Variants in GALNT17 observed in about 807,000 individuals in gnomAD.
GALNT17 encodes polypeptide N-acetylgalactosaminyltransferase 17, also known as UDP-GalNAc:polypeptide N-acetylgalactosaminyltransferase-like 3.
A neutral mutation model predicts 63.7 loss-of-function variants in GALNT17; 29 were observed. The observed-to-expected ratio is 0.46, with a 90% CI of 0.34 to 0.62. GALNT17 has a LOEUF of 0.62. GALNT17 is among the 20% of genes least tolerant of loss of function. The pLI, the probability that GALNT17 is intolerant of heterozygous loss-of-function variation, is 0.01. For missense variants in GALNT17, 603 were observed against 799.6 expected, an observed-to-expected ratio of 0.75 and a Z score of 2.97; for synonymous variants, 305 against 318.3, an observed-to-expected ratio of 0.96 and a Z score of 0.45.
chr7:71,158,203 C>T (rs1045496489), intron 1 of GALNT17, among the ~76,000 whole-genome samples: 2 of 151,190 alleles, frequency 1.3e-5, no homozygotes, highest in Admixed American at 1.3e-4. Context: ...TCCGAGGGAC[C>T]TCCATATGGT....
chr7:71,702,480 T>C (rs908786546), intron 9 of GALNT17, among the ~76,000 whole-genome samples: 1 of 152,072 alleles, frequency 6.6e-6, no homozygotes, highest in Admixed American at 6.6e-5. Context: ...TTCTGGAAGC[T>C]CAGAAAGCCA....
intron 2 of GALNT17, among the ~76,000 whole-genome samples, chr7:71,377,116 T>A (rs10950259): frequency 0.47 from 24,584 of 52,662 alleles, 6,374 homozygotes; most frequent in Middle Eastern, 0.62. Flanking sequence ...ATAAAAAAAA[T>A]ATATATATAT....
chr7:71,498,289 A>G (rs748144640), intron 5 of GALNT17, among the ~76,000 whole-genome samples: 17 of 152,238 alleles, frequency 1.1e-4, no homozygotes, highest in South Asian at 2.1e-4. Flanking sequence ...CAGCCTGGGC[A>G]ACATGGTGAG....
chr7:71,710,841 G>A lies in GALNT17; in HGVS notation c.1581G>A (p.Leu527=), dbSNP rs1433369793. 2 of 1,613,874 alleles carry A rather than the reference G, an allele frequency of 1.2e-6. No individual in the cohort carries two copies. Among genetic ancestry groups the A allele is most frequent in the African/African-American group, 2.7e-5 (2 of 75,060 alleles). Residue 527 remains leucine (L), a synonymous_variant, in exon 10 of 11, where the codon CTG becomes CTA. Transcript: ENST00000333538. ...TTTLLPDTRC[L]VDNSKSRLPQ... The stretch of plus-strand genomic sequence containing the variant: ...CACTCCTCCCTGACACCCGCTGCCT[G>A]GTGGACAACTCCAAGAGTCGGCTGC...
At chr7:71,668,384 C>T (rs1301905708) in intron 7 of GALNT17, among the ~76,000 whole-genome samples, 2 of 151,754 alleles carry the variant, frequency 1.3e-5, no homozygotes, top group Non-Finnish European at 2.9e-5. Flanking sequence ...GGTGAGGTGG[C>T]GCATGCCTTT....
At chr7:71,420,440 C>A (rs1332314569) in intron 4 of GALNT17, among the ~76,000 whole-genome samples, 12 of 152,144 alleles carry the variant, frequency 7.9e-5, no homozygotes, top group African/African-American at 2.9e-4. Context: ...ACCAGGCCAT[C>A]CGGGCAGAAG....
At chr7:71,534,326 A>G (rs1459747021) in intron 5 of GALNT17, among the ~76,000 whole-genome samples, 4 of 152,134 alleles carry the variant, frequency 2.6e-5, no homozygotes, top group Admixed American at 2.0e-4. Flanking sequence ...TTGGCCGGGC[A>G]CAGTGTGTCA....
intron 1 of GALNT17, among the ~76,000 whole-genome samples, chr7:71,154,292 A>C (rs1788190169): frequency 6.6e-6 from 1 of 152,216 alleles, no homozygotes; most frequent in Non-Finnish European, 1.5e-5. Flanking sequence ...TGTTCAGCGC[A>C]GGAGCCAGAC....
intron 6 of GALNT17, among the ~76,000 whole-genome samples, chr7:71,643,328 C>T (rs1790629920): frequency 6.6e-6 from 1 of 151,892 alleles, no homozygotes; most frequent in African/African-American, 2.4e-5. Flanking sequence ...CTTAGGTGGG[C>T]GTGGTGGCGT....
intron 5 of GALNT17, among the ~76,000 whole-genome samples, chr7:71,426,813 G>A (rs537280750): frequency 5.3e-5 from 8 of 151,742 alleles, no homozygotes; most frequent in Non-Finnish European, 1.2e-4. Flanking sequence ...CCAGCTACTC[G>A]GGAGGATGAG....
At chr7:71,677,150 C>G in intron 8 of GALNT17, 61 bp from the exon 9 acceptor site, 1 of 1,556,464 alleles carries the variant, frequency 6.4e-7, no homozygotes. Context: ...AGAACAGTGA[C>G]TCGGCATCCA....
intron 4 of GALNT17, among the ~76,000 whole-genome samples, chr7:71,418,686 C>G (rs952283378): frequency 6.6e-6 from 1 of 152,296 alleles, no homozygotes; most frequent in Middle Eastern, 3.4e-3. Flanking sequence ...GAGTGTGCTT[C>G]TCTAAGGAAG....
At chr7:71,203,704 C>A (rs1789217594) in intron 1 of GALNT17, among the ~76,000 whole-genome samples, 1 of 152,096 alleles carries the variant, frequency 6.6e-6, no homozygotes, top group Admixed American at 6.5e-5. Context: ...AGGGAGGCCT[C>A]AGGAAGCTTT....
At chr7:71,162,432 CCATT>C (rs146134822) in intron 1 of GALNT17, among the ~76,000 whole-genome samples, 14,466 of 147,332 alleles carry the variant, frequency 0.098, 945 homozygotes, top group African/African-American at 0.2. Flanking sequence ...ATCCATCCAT[CCATT>C]CATCCATCCA....
intron 1 of GALNT17, among the ~76,000 whole-genome samples, chr7:71,323,413 G>T (rs1791650993): frequency 6.6e-6 from 1 of 152,088 alleles, no homozygotes; most frequent in Non-Finnish European, 1.5e-5. Flanking sequence ...TGGACTGCAG[G>T]TGTACTAATT....
At chr7:71,432,913 G>A (rs1371878855) in intron 5 of GALNT17, among the ~76,000 whole-genome samples, 2 of 152,138 alleles carry the variant, frequency 1.3e-5, no homozygotes, top group African/African-American at 4.8e-5. Context: ...GGGTTCAAGC[G>A]ATTATTGTAC....
At chr7:71,643,353 A>G (rs1283754797) in intron 6 of GALNT17, among the ~76,000 whole-genome samples, 1 of 152,060 alleles carries the variant, frequency 6.6e-6, no homozygotes, top group Non-Finnish European at 1.5e-5. Context: ...CTGTAATCCC[A>G]GCTACTCAGG....
chr7:71,358,122 C>T (rs946484499), intron 2 of GALNT17, among the ~76,000 whole-genome samples: 1 of 152,180 alleles, frequency 6.6e-6, no homozygotes, highest in Admixed American at 6.5e-5. Flanking sequence ...TCGGTGCCAC[C>T]TTTAAGAGCT....
intron 6 of GALNT17, among the ~76,000 whole-genome samples, chr7:71,617,547 C>T (rs1790230878): frequency 6.6e-6 from 1 of 152,072 alleles, no homozygotes; most frequent in South Asian, 2.1e-4. Flanking sequence ...GTCTCGATCT[C>T]TTGACCTCGT....
Sources: allele counts gnomAD v4.1 joint callset (sites outside exome capture counted in the v4.1 genomes callset), GRCh38; gene constraint gnomAD v4.1.1; transcripts MANE v1.5; gene names NCBI Gene and HGNC (gene_info 2026-07-23, HGNC 2026-07-21).